The following BORA variants were observed in gnomAD, a reference collection of about 807,000 sequenced individuals.
The protein encoded by BORA is BORA aurora kinase A activator.
In BORA, 26 loss-of-function variants were observed where a neutral mutation model predicts 55.8. The observed-to-expected ratio is 0.47, with a 90% CI of 0.34 to 0.65. The LOEUF (loss-of-function observed/expected upper bound fraction) is 0.65, where lower values mean the gene tolerates loss of function less well. BORA is among the 30% of genes least tolerant of loss of function. BORA has a pLI of 0.01. For missense variants in BORA, 568 were observed against 671.5 expected (o/e 0.85, Z 1.70); for synonymous variants, 201 against 216.9 (o/e 0.93, Z 0.64).
At chr13:72,754,038 T>A in intron 11 of BORA, 1 of 446,836 alleles carries the variant, frequency 2.2e-6, no homozygotes, top group Non-Finnish European at 3.9e-6. Context: ...TAGCGTGTAT[T>A]TGATGAGGGC....
chr13:72,754,099 C>G (rs960306083), intron 11 of BORA: 4 of 263,656 alleles, frequency 1.5e-5, no homozygotes, highest in Admixed American at 1.5e-4. Flanking sequence ...TGAAGAAACT[C>G]ATCATAATTT....
chr13:72,729,135 T>G, intron 2 of BORA, 42 bp downstream of exon 2: 1 of 1,397,100 alleles, frequency 7.2e-7, no homozygotes, highest in African/African-American at 1.5e-5. Context: ...ATTTTAAATG[T>G]AAGTAATTAC....
intron 5 of BORA, among the ~76,000 whole-genome samples, chr13:72,742,793 C>T (rs1315105194): frequency 6.9e-6 from 1 of 145,356 alleles, no homozygotes; most frequent in Non-Finnish European, 1.5e-5. Flanking sequence ...CACACACACA[C>T]ACACACACAC....
chr13:72,738,170 T>G, intron 5 of BORA, 127 bp downstream of exon 5: 1 of 465,762 alleles, frequency 2.1e-6, no homozygotes, highest in Non-Finnish European at 3.6e-6. Context: ...AACATAGAAT[T>G]TAACTCCTTT....
intron 10 of BORA, chr13:72,753,316 C>CAT (rs1048903605): frequency 1.8e-5 from 3 of 162,978 alleles, no homozygotes; most frequent in African/African-American, 7.2e-5. Flanking sequence ...TTAAAGGCAG[C>CAT]ATGCCTCAAG....
At position 72,746,607 on chromosome 13, in the gene BORA, A is replaced by C; in HGVS notation, c.978A>C (p.Pro326=). ...GTCCTTATATAGATGGCTGCTCGCC[A>C]ATTAAAAATTGGTCTCCTATGAGAC... is the stretch of plus-strand genomic sequence containing the variant. ...IRSPYIDGCS[P]IKNWSPMRLQ... Residue 326 remains proline (P), a synonymous_variant, in exon 10 of 12, where the codon CCA becomes CCC. Transcript: ENST00000390667. 6.2e-7 allele frequency: 1 copy of C among 1,614,140 alleles called. No individual in the cohort carries two copies. The highest frequency in any genetic ancestry group is 8.5e-7 in the Non-Finnish European group (1 of 1,179,998).
intron 7 of BORA, 90 bp downstream of exon 7, chr13:72,744,651 T>C: frequency 1.0e-6 from 1 of 955,292 alleles, no homozygotes; most frequent in Non-Finnish European, 1.6e-6. Context: ...GGGAAATATG[T>C]GGCAGTGCCT....
At chr13:72,741,881 A>G (rs1422885844) in intron 5 of BORA, among the ~76,000 whole-genome samples, 1 of 152,050 alleles carries the variant, frequency 6.6e-6, no homozygotes, top group African/African-American at 2.4e-5. Context: ...TGAGAGAGAT[A>G]CCTGTTTCTT....
Position 72,755,150 on chromosome 13 carries a change from G to A in BORA, c.1615-1G>A, listed in dbSNP as rs1230153747. On this transcript the variant is annotated splice_acceptor_variant, in intron 11 of 11. Coordinates refer to ENST00000390667, the MANE Select transcript of BORA (RefSeq NM_024808.5). LOFTEE classifies it high-confidence loss of function. ...ACAAGGTATTGTCTTCTTTTTCACA[G>A]CAAGACCACACAACACAGAGGTGTT... The A allele has an allele frequency of 2.5e-5, 40 of 1,613,352 alleles. No individual in the cohort carries two copies. Among genetic ancestry groups the A allele is most frequent in the Non-Finnish European group, 3.1e-5 (37 of 1,179,688 alleles).
rs1282871358 is a variant in BORA at position 72,729,217 on chromosome 13, C to G, written c.153+124C>G. On this transcript the variant is annotated intron_variant, in intron 2 of 11. Transcript: ENST00000390667. ...ATACATTATGGAGCATATATAGCTG[C>G]AATATACTTTTTTAAATTGTAGTGT... 4 of 781,058 alleles carry G rather than the reference C, an allele frequency of 5.1e-6. No individual in the cohort carries two copies. In the African/African-American group the frequency reaches 7.3e-5, roughly 14 times the overall value. 48.4% of individuals were successfully genotyped at this position (781,058 alleles called of 1,614,324 possible). A position where few individuals can be genotyped will look rare whatever the true frequency, so the allele number is the denominator to read the frequency against.
In BORA at chr13:72,746,845, G is replaced by A; in HGVS notation, c.1216G>A (p.Val406Ile). 6.2e-7 allele frequency: 1 copy of A among 1,614,176 alleles called. No individual in the cohort carries two copies. Among genetic ancestry groups the A allele is most frequent in the Non-Finnish European group, 8.5e-7 (1 of 1,180,016 alleles). Residue 406 changes from valine to isoleucine, a missense_variant, in exon 10 of 12, where the codon GTT (valine) becomes ATT (isoleucine). Val to Ile is a conservative substitution (Grantham distance 29, BLOSUM62 3). Coordinates refer to ENST00000390667, the MANE Select transcript of BORA (RefSeq NM_024808.5). ...ACATTTGGTTGTGACTGCCATGTCT[G>A]TTACACAAAATCAGTCCAGTGCTTC... ...GTHLVVTAMS[V>I]TQNQSSASEK...
chr13:72,734,220 A>C (rs758769837), intron 3 of BORA, among the ~76,000 whole-genome samples: 39 of 152,210 alleles, frequency 2.6e-4, no homozygotes, highest in South Asian at 4.1e-4. Context: ...ATTCTGAGAC[A>C]AAATAATTTT....
At chr13:72,752,355 C>T (rs1293595152) in intron 10 of BORA, 1 of 152,186 alleles carries the variant, frequency 6.6e-6, no homozygotes, top group East Asian at 1.9e-4. Flanking sequence ...ACATATTAGG[C>T]ATTGACATTA....
chr13:72,751,681 A>G (rs976784819), intron 10 of BORA, among the ~76,000 whole-genome samples: 34 of 152,340 alleles, frequency 2.2e-4, no homozygotes, highest in African/African-American at 8.2e-4. Context: ...ATAGCTCTAT[A>G]CGGTGAGTGT....
intron 5 of BORA, among the ~76,000 whole-genome samples, chr13:72,742,794 ACACACAC>A: frequency 6.6e-6 from 1 of 150,396 alleles, no homozygotes; most frequent in Middle Eastern, 3.5e-3. Flanking sequence ...ACACACACAC[ACACACAC>A]ACACACACAC....
intron 9 of BORA, 44 bp downstream of exon 9, chr13:72,746,120 C>G: frequency 6.7e-7 from 1 of 1,502,652 alleles, no homozygotes; most frequent in Non-Finnish European, 9.2e-7. Context: ...TTTATACTAT[C>G]AATATTTGTT....
chr13:72,738,835 A>T (rs1159709507), intron 5 of BORA, among the ~76,000 whole-genome samples: 1 of 152,202 alleles, frequency 6.6e-6, no homozygotes, highest in Non-Finnish European at 1.5e-5. Context: ...ACTCATATGA[A>T]GTAGGTGTAA....
At chr13:72,745,507 T>C (rs2033122622) in intron 8 of BORA, among the ~76,000 whole-genome samples, 1 of 152,218 alleles carries the variant, frequency 6.6e-6, no homozygotes, top group Non-Finnish European at 1.5e-5. Context: ...CTAGTTCGTA[T>C]GTTATCATTA....
At chr13:72,734,431 G>GA (rs953187782) in intron 3 of BORA, among the ~76,000 whole-genome samples, 4 of 150,608 alleles carry the variant, frequency 2.7e-5, no homozygotes, top group South Asian at 2.1e-4. Context: ...GTATCAAAGT[G>GA]AAAAAAAAAT....
Sources: allele counts gnomAD v4.1 joint callset (sites outside exome capture counted in the v4.1 genomes callset), GRCh38; gene constraint gnomAD v4.1.1; transcripts MANE v1.5; gene names NCBI Gene and HGNC (gene_info 2026-07-23, HGNC 2026-07-21).